PARVA: variants seen among roughly 807,000 people sequenced by gnomAD.
The protein encoded by PARVA is alpha-parvin.
PARVA carries 25 observed loss-of-function variants against 52.6 expected under a neutral mutation model. The ratio of observed to expected loss-of-function variants is 0.48; its 90% confidence interval spans 0.35 to 0.66. The LOEUF (loss-of-function observed/expected upper bound fraction) is 0.66, where lower values mean the gene tolerates loss of function less well. PARVA is among the 30% of genes least tolerant of loss of function. The pLI, the probability that PARVA is intolerant of heterozygous loss-of-function variation, is 0.01. For synonymous variants in PARVA, 185 were observed against 179.1 expected, an observed-to-expected ratio of 1.03 and a Z score of -0.26; for missense variants, 373 against 450.9, an observed-to-expected ratio of 0.83 and a Z score of 1.56.
chr11:12,473,655 C>A, intron 1 of PARVA, 90 bp from the exon 2 acceptor site: 1 of 957,028 alleles, frequency 1.0e-6, no homozygotes. Flanking sequence ...GTTTTTTTCT[C>A]AATGTCAATA....
At chr11:12,406,596 T>C (rs1487723211) in intron 1 of PARVA, among the ~76,000 whole-genome samples, 3 of 152,012 alleles carry the variant, frequency 2.0e-5, no homozygotes, top group African/African-American at 7.2e-5. Context: ...TATTGACTTT[T>C]CATCAAATGG....
chr11:12,377,276 T>C (rs1321384972), upstream of PARVA: 6 of 528,214 alleles, frequency 1.1e-5, no homozygotes, highest in Non-Finnish European at 1.8e-5. Context: ...CTCAGATGTG[T>C]TTTGCGCCAG....
At position 12,531,373 on chromosome 11, in the gene PARVA, A is replaced by G. The variant is rs1221182482; in HGVS notation, c.*3448A>G. ...TGTTGTGGGTTGCTTGGTTAACCCT[A>G]CAGAGTATACTTGAAGCTTATTTGC... On this transcript the variant is annotated 3_prime_UTR_variant, in exon 13 of 13. Coordinates refer to ENST00000334956, the MANE Select transcript of PARVA (RefSeq NM_018222.5). Among the ~76,000 whole-genome samples, 1 of 152,196 alleles carries G rather than the reference A, an allele frequency of 6.6e-6. No homozygotes were observed. Among genetic ancestry groups the G allele is most frequent in the Non-Finnish European group, 1.5e-5 (1 of 68,038 alleles).
Position 12,525,933 on chromosome 11 carries a change from G to A in PARVA, c.1043-1916G>A, listed in dbSNP as rs564257997. Among the ~76,000 whole-genome samples the A allele has an allele frequency of 7.9e-5, 12 of 152,170 alleles. 1 individual carries two copies. The South Asian group carries it at 2.5e-3, about 32-fold the overall frequency. ...GGGCCTTGGGGTGGGGGGAACCTAA[G>A]GAGGTTCCCCCAAGCCCTGGGCCCT... On this transcript the variant is annotated intron_variant, in intron 12 of 12. Coordinates refer to ENST00000334956, the MANE Select transcript of PARVA (RefSeq NM_018222.5).
rs552825692 is a variant in PARVA, at chr11:12,414,208, C to G, written c.136+36425C>G. ...TTTCCCTTCGGCAGTGTTTGTGACT[C>G]TTGTAAATAAGAGATAATTACACTC... On this transcript the variant is annotated intron_variant, in intron 1 of 12. Coordinates refer to ENST00000334956, the MANE Select transcript of PARVA (RefSeq NM_018222.5). 3.0e-4 allele frequency among the ~76,000 whole-genome samples: 45 copies of G among 152,306 alleles called. No homozygotes were observed. The South Asian group carries it at 9.1e-3, about 31-fold the overall frequency.
intron 7 of PARVA, among the ~76,000 whole-genome samples, chr11:12,509,874 C>G (rs1941484995): frequency 6.6e-6 from 1 of 152,174 alleles, no homozygotes; most frequent in Admixed American, 6.5e-5. Flanking sequence ...CACCGCCCAC[C>G]ACCCCTCCCC....
chr11:12,527,327 A>G (rs1025777701), intron 12 of PARVA, among the ~76,000 whole-genome samples: 1 of 152,158 alleles, frequency 6.6e-6, no homozygotes, highest in African/African-American at 2.4e-5. Context: ...GAAGTGAGCG[A>G]GAGAGGGAAT....
At chr11:12,430,078 C>A (rs1215095094) in intron 1 of PARVA, among the ~76,000 whole-genome samples, 1 of 152,068 alleles carries the variant, frequency 6.6e-6, no homozygotes, top group Non-Finnish European at 1.5e-5. Flanking sequence ...AGATAATCAA[C>A]AGAATGAGAA....
intron 1 of PARVA, among the ~76,000 whole-genome samples, chr11:12,387,520 G>A (rs1939589448): frequency 6.6e-6 from 1 of 151,060 alleles, no homozygotes; most frequent in Admixed American, 6.6e-5. Flanking sequence ...GACTCTTCCA[G>A]TCCCCAGATT....
chr11:12,465,258 G>A (rs989967728), intron 1 of PARVA, among the ~76,000 whole-genome samples: 1 of 152,126 alleles, frequency 6.6e-6, no homozygotes, highest in African/African-American at 2.4e-5. Flanking sequence ...ATGTGAGCTG[G>A]CACACTCAGC....
rs1287363580 is a variant in PARVA at position 12,477,735 on chromosome 11, A to C, written c.298-112A>C. Reference sequence around the variant, plus strand: ...CCATCTCAAATAAAATGAAACTTAAAATCTAAAGTTAATTTGGATTTTAAT... The same window carrying C: ...CCATCTCAAATAAAATGAAACTTAACATCTAAAGTTAATTTGGATTTTAAT... On this transcript the variant is annotated intron_variant, in intron 3 of 12. Transcript: ENST00000334956. 9.0e-6 allele frequency: 6 copies of C among 667,418 alleles called. No individual in the cohort carries two copies. The Admixed American group carries it at 1.2e-4, about 13-fold the overall frequency. The allele number at this position is 667,418 out of a possible 1,614,324, so 41.3% of individuals were successfully genotyped here. A position where few individuals can be genotyped will look rare whatever the true frequency, so the allele number is the denominator to read the frequency against.
Position 12,409,724 on chromosome 11 carries a change from G to A in PARVA, c.136+31941G>A, listed in dbSNP as rs56336327. On this transcript the variant is annotated intron_variant, in intron 1 of 12. Coordinates refer to ENST00000334956, the MANE Select transcript of PARVA (RefSeq NM_018222.5). ...GAACGGAATGCAGCCCTGCCAGCAT[G>A]TTGATTTTAGCTCGACTTCTAACCT... is the stretch of plus-strand genomic sequence containing the variant. Among the ~76,000 whole-genome samples the A allele has an allele frequency of 3.7e-3, 557 of 152,336 alleles. 4 individuals are homozygous for A. The highest frequency in any genetic ancestry group is 0.012 in the African/African-American group (508 of 41,572).
rs1388384232 is a variant in PARVA at position 12,496,495 on chromosome 11, C to T, written c.438C>T (p.Val146=). 1 of 1,608,746 alleles carries T rather than the reference C, an allele frequency of 6.2e-7. No homozygotes were observed. Among genetic ancestry groups the T allele is most frequent in the South Asian group, 1.1e-5 (1 of 89,452 alleles). Residue 146 remains valine (V), a synonymous_variant, in exon 5 of 13, where the codon GTC becomes GTT. Coordinates refer to ENST00000334956, the MANE Select transcript of PARVA (RefSeq NM_018222.5). The part of the protein sequence containing the change: ...LESEKLNVAE[V]TQSEIAQKQK... ...GTGAGAAGCTAAATGTGGCTGAGGT[C>T]ACCCAGTCAGAGATTGCTCAGAAGC... is the stretch of plus-strand genomic sequence containing the variant.
chr11:12,401,123 C>T (rs1040508291), intron 1 of PARVA, among the ~76,000 whole-genome samples: 44 of 152,252 alleles, frequency 2.9e-4, no homozygotes, highest in African/African-American at 1.0e-3. Flanking sequence ...CCATCACGGT[C>T]GATTCCCACC....
At chr11:12,526,225 AT>A (rs1257376316) in intron 12 of PARVA, among the ~76,000 whole-genome samples, 1 of 142,980 alleles carries the variant, frequency 7.0e-6, no homozygotes, top group Non-Finnish European at 1.6e-5. Context: ...GAAATAAAAA[AT>A]AAAATCTTTT....
rs180842082 is a variant in PARVA, at chr11:12,455,868, G to A, written c.137-17877G>A. On this transcript the variant is annotated intron_variant, in intron 1 of 12. Coordinates refer to ENST00000334956, the MANE Select transcript of PARVA (RefSeq NM_018222.5). ...CCATACCATCTTCATCTTTCCTCAAGTGTCCAGCTTCCAGACTCCATTAAC... is the reference window on the plus strand; with the variant it reads ...CCATACCATCTTCATCTTTCCTCAAATGTCCAGCTTCCAGACTCCATTAAC... Among the ~76,000 whole-genome samples, 35 of 152,144 alleles carry A rather than the reference G, an allele frequency of 2.3e-4. No individual in the cohort carries two copies. In the East Asian group the frequency reaches 6.4e-3, roughly 28 times the overall value.
At chr11:12,519,734 C>G (rs1050748175) in intron 12 of PARVA, among the ~76,000 whole-genome samples, 6 of 152,178 alleles carry the variant, frequency 3.9e-5, no homozygotes, top group African/African-American at 7.2e-5. Flanking sequence ...TCCTTCCAGA[C>G]TCGTTATCTA....
chr11:12,415,835 A>C (rs1410455577), intron 1 of PARVA, among the ~76,000 whole-genome samples: 1 of 152,178 alleles, frequency 6.6e-6, no homozygotes, highest in African/African-American at 2.4e-5. Context: ...TTTTCAGCCC[A>C]ATTTTATTTA....
intron 1 of PARVA, among the ~76,000 whole-genome samples, chr11:12,382,519 GT>G (rs1939507099): frequency 6.6e-6 from 1 of 151,822 alleles, no homozygotes; most frequent in Non-Finnish European, 1.5e-5. Context: ...GTTCAAACCT[GT>G]GTTGTTCAAG....
Sources: allele counts gnomAD v4.1 joint callset (sites outside exome capture counted in the v4.1 genomes callset), GRCh38; gene constraint gnomAD v4.1.1; transcripts MANE v1.5; gene names NCBI Gene and HGNC (gene_info 2026-07-23, HGNC 2026-07-21).